The following TRPM3 variants were observed in gnomAD, a reference collection of about 807,000 sequenced individuals.
TRPM3 encodes the protein transient receptor potential cation channel subfamily M member 3, also known as long transient receptor potential channel 3.
In TRPM3, 77 loss-of-function variants were observed where a neutral mutation model predicts 181.2. The observed-to-expected ratio is 0.42, with a 90% CI of 0.35 to 0.51. The LOEUF is 0.51. TRPM3 is among the 20% of genes least tolerant of loss of function. The pLI, the probability that TRPM3 is intolerant of heterozygous loss-of-function variation, is 0.01. For synonymous variants in TRPM3, 745 were observed against 796.4 expected (o/e 0.94, Z 1.09); for missense variants, 1,759 against 2,196.7 (o/e 0.80, Z 3.98).
chr9:70,611,814 A>G (rs754665376), intron 18 of TRPM3, among the ~76,000 whole-genome samples: 11 of 152,216 alleles, frequency 7.2e-5, no homozygotes, highest in Non-Finnish European at 1.2e-4. Flanking sequence ...AGAGGTCCTC[A>G]TCTCCAAGCT....
chr9:70,660,039 AGCTTTCCTAACAACTTGG>A (rs1251279790), intron 9 of TRPM3, among the ~76,000 whole-genome samples: 1 of 152,158 alleles, frequency 6.6e-6, no homozygotes, highest in Non-Finnish European at 1.5e-5. Flanking sequence ...GCTAAAAATG[AGCTTTCCTAACAACTTGG>A]GACCTACCTG....
At chr9:70,750,354 CT>C (rs1275038196) in intron 8 of TRPM3, among the ~76,000 whole-genome samples, 1 of 152,160 alleles carries the variant, frequency 6.6e-6, no homozygotes, top group African/African-American at 2.4e-5. Context: ...TGCATTCAGA[CT>C]GTGGAGGGCC....
chr9:71,197,398 G>T (rs867444799), intron 1 of TRPM3, among the ~76,000 whole-genome samples: 7 of 152,248 alleles, frequency 4.6e-5, no homozygotes, highest in Non-Finnish European at 8.8e-5. Flanking sequence ...TAATGGGATG[G>T]CTGGGTCAAA....
At chr9:71,401,342 AG>A (rs2093338174) in intron 1 of TRPM3, among the ~76,000 whole-genome samples, 1 of 152,164 alleles carries the variant, frequency 6.6e-6, no homozygotes, top group Non-Finnish European at 1.5e-5. Context: ...AGGTAGTTAG[AG>A]GACTCAGGCA....
intron 1 of TRPM3, among the ~76,000 whole-genome samples, chr9:71,136,747 C>T (rs777760903): frequency 2.6e-5 from 4 of 152,102 alleles, no homozygotes; most frequent in African/African-American, 9.7e-5. Context: ...TCTGGAAGCA[C>T]ATTTAGCAAG....
chr9:70,684,376 C>T (rs1281619011), intron 8 of TRPM3, among the ~76,000 whole-genome samples: 2 of 152,172 alleles, frequency 1.3e-5, no homozygotes, highest in Admixed American at 1.3e-4. Context: ...TTTCAGAACC[C>T]AAGGACCCGG....
In TRPM3 at chr9:71,167,999, A is replaced by G. The variant is rs145315828; in HGVS notation, c.183+278654T>C. ...AATCTAAAAATAAGTGCACTATGAC[A>G]TACCTCATTTAGAGGAAGAACTGTT... is the stretch of plus-strand genomic sequence containing the variant. On this transcript the variant is annotated intron_variant, in intron 1 of 24. Coordinates refer to the TRPM3 transcript ENST00000357533. Among the ~76,000 whole-genome samples, 19 of 152,318 alleles carry G rather than the reference A, an allele frequency of 1.2e-4. No homozygotes were observed. The East Asian group carries it at 3.5e-3, about 28-fold the overall frequency.
intron 1 of TRPM3, among the ~76,000 whole-genome samples, chr9:71,266,634 T>A (rs2083411792): frequency 6.6e-6 from 1 of 152,204 alleles, no homozygotes; most frequent in Non-Finnish European, 1.5e-5. Flanking sequence ...ATACTGAACA[T>A]GAGATATCGC....
At chr9:71,028,207 A>G (rs1051621062) in intron 1 of TRPM3, among the ~76,000 whole-genome samples, 4 of 152,152 alleles carry the variant, frequency 2.6e-5, no homozygotes, top group Admixed American at 2.0e-4. Flanking sequence ...TTCATATTCT[A>G]CCAAAGTAAG....
At chr9:71,033,937 G>A (rs573449436) in intron 1 of TRPM3, among the ~76,000 whole-genome samples, 16 of 152,126 alleles carry the variant, frequency 1.1e-4, no homozygotes, top group South Asian at 4.2e-4. Context: ...CACATACACC[G>A]ACACTCACTC....
chr9:70,815,517 TA>T lies in TRPM3; in HGVS notation c.973+12329del, dbSNP rs566852573. On this transcript the variant is annotated intron_variant, in intron 6 of 25. Transcript: ENST00000677713. ...TCTATATATACATAATGACACTCAATATTTTTAATCTTTGGCTTTTGCCAAT... is the reference window on the plus strand; with the variant it reads ...TCTATATATACATAATGACACTCAATTTTTTAATCTTTGGCTTTTGCCAAT... Among the ~76,000 whole-genome samples, 22 of 152,330 alleles carry T rather than the reference TA, an allele frequency of 1.4e-4. No individual in the cohort carries two copies. In the South Asian group the frequency reaches 4.6e-3, roughly 32 times the overall value.
At chr9:71,445,183 G>A (rs1040335033) in intron 1 of TRPM3, among the ~76,000 whole-genome samples, 9 of 152,064 alleles carry the variant, frequency 5.9e-5, no homozygotes, top group Non-Finnish European at 1.2e-4. Context: ...TATAGACTGT[G>A]CACACACCTG....
chr9:70,569,864 A>G (rs1378606493), intron 22 of TRPM3, among the ~76,000 whole-genome samples: 2 of 152,190 alleles, frequency 1.3e-5, no homozygotes, highest in Non-Finnish European at 2.9e-5. Context: ...TATAAATACA[A>G]AAATGTAAAA....
intron 7 of TRPM3, among the ~76,000 whole-genome samples, chr9:70,781,343 A>T (rs1430971434): frequency 6.6e-6 from 1 of 151,066 alleles, no homozygotes; most frequent in African/African-American, 2.4e-5. Flanking sequence ...AAAAAAAAAA[A>T]AAAAAAGAAA....
At chr9:71,352,876 C>T (rs908263540) in intron 1 of TRPM3, among the ~76,000 whole-genome samples, 18 of 152,180 alleles carry the variant, frequency 1.2e-4, no homozygotes, top group South Asian at 1.0e-3. Context: ...TTTTCCTGCC[C>T]GCTTCCAACA....
At chr9:71,190,388 T>A (rs1411463989) in intron 1 of TRPM3, among the ~76,000 whole-genome samples, 1 of 151,934 alleles carries the variant, frequency 6.6e-6, no homozygotes, top group African/African-American at 2.4e-5. Flanking sequence ...TTTATATCAA[T>A]TAAAACTCCC....
rs534578096 is a variant in TRPM3, at chr9:70,636,091, G to T, written c.1582-830C>A. 2.0e-5 allele frequency among the ~76,000 whole-genome samples: 3 copies of T among 152,276 alleles called. No individual in the cohort carries two copies. The East Asian group carries it at 5.8e-4, about 29-fold the overall frequency. On this transcript the variant is annotated intron_variant, in intron 11 of 25. Coordinates refer to ENST00000677713, the MANE Select transcript of TRPM3 (RefSeq NM_001366145.2). ...CCTGAGAGTAAATTAGACTTTGTGG[G>T]TCACACGGTCTTTACTGAAACTGTT... is the stretch of plus-strand genomic sequence containing the variant.
At chr9:71,284,924 T>C (rs1330544653) in intron 1 of TRPM3, among the ~76,000 whole-genome samples, 1 of 152,224 alleles carries the variant, frequency 6.6e-6, no homozygotes, top group Non-Finnish European at 1.5e-5. Flanking sequence ...CAAAGTATAT[T>C]ACATTTTTTG....
intron 1 of TRPM3, among the ~76,000 whole-genome samples, chr9:71,340,394 GAA>G (rs2090877170): frequency 6.6e-6 from 1 of 152,120 alleles, no homozygotes; most frequent in Non-Finnish European, 1.5e-5. Flanking sequence ...ATCTCATCTT[GAA>G]TTACCATGTG....
Sources: gnomAD v4.1 joint callset for allele counts (sites outside exome capture counted in the v4.1 genomes callset) on GRCh38, gnomAD v4.1.1 for gene constraint, MANE v1.5 for transcripts, NCBI Gene and HGNC (gene_info 2026-07-23, HGNC 2026-07-21) for gene names.